Variants in ZNF226 observed in about 807,000 individuals in gnomAD.
The protein encoded by ZNF226 is Kruppel-associated box protein.
In ZNF226, 6 loss-of-function variants were observed where a neutral mutation model predicts 11.4. The observed-to-expected ratio is 0.53, with a 90% CI of 0.29 to 1.04. The LOEUF is 1.04. Ranked by LOEUF, ZNF226 falls within the 50% of genes least tolerant of loss-of-function variation. ZNF226 has a pLI of 0.08. For synonymous variants in ZNF226, 350 were observed against 322.8 expected, an observed-to-expected ratio of 1.08 and a Z score of -0.90; for missense variants, 1,058 against 956.5, an observed-to-expected ratio of 1.11 and a Z score of -1.40.
chr19:44,172,248 C>T, intron 4 of ZNF226, 34 bp downstream of exon 4: 2 of 1,593,924 alleles, frequency 1.3e-6, no homozygotes, highest in South Asian at 2.2e-5. Flanking sequence ...TATCTTTGTG[C>T]CCTTGGAGTT....
chr19:44,175,217 AG>A (rs1401642234), intron 5 of ZNF226: 1 of 1,406,790 alleles, frequency 7.1e-7, no homozygotes, highest in African/African-American at 1.5e-5. Flanking sequence ...ATATTATGGT[AG>A]GAAAGACATG....
intron 4 of ZNF226, chr19:44,172,620 T>G (rs1387677848): frequency 2.0e-6 from 1 of 502,630 alleles, no homozygotes; most frequent in Non-Finnish European, 3.5e-6. Context: ...CAATGGGAGA[T>G]TTAAGGAAAA....
chr19:44,175,081 A>G (rs1212090864), intron 5 of ZNF226: 2 of 1,605,734 alleles, frequency 1.2e-6, no homozygotes, highest in Admixed American at 3.4e-5. Flanking sequence ...TTATATATGA[A>G]GAAATGTTGG....
intron 5 of ZNF226, 140 bp from the exon 6 acceptor site, chr19:44,175,358 C>T (rs1970578957): frequency 5.6e-6 from 8 of 1,422,262 alleles, no homozygotes; most frequent in African/African-American, 1.4e-5. Flanking sequence ...AGTATGTAAA[C>T]CAGAAACTTC....
chr19:44,176,078 G>A lies in ZNF226; in HGVS notation c.816G>A (p.Gln272=). The A allele has an allele frequency of 6.2e-7, 1 of 1,614,144 alleles. No homozygotes were observed. Among genetic ancestry groups the A allele is most frequent in the Non-Finnish European group, 8.5e-7 (1 of 1,180,006 alleles). Reference sequence around the variant, plus strand: ...TCTCCAGCTTTGATCTTCATCAGCAGTTACAATCAGGAGAGAAGTCTCTTA... The same window carrying A: ...TCTCCAGCTTTGATCTTCATCAGCAATTACAATCAGGAGAGAAGTCTCTTA... ...SDLSSFDLHQ[Q]LQSGEKSLTC... The change falls in exon 6 of 6, where the codon CAG becomes CAA. Residue 272 remains glutamine, a synonymous_variant. Transcript: ENST00000337433.
At chr19:44,194,086 GT>G in the ZNF226 span, among the ~76,000 whole-genome samples, 2 of 152,282 alleles carry the variant, frequency 1.3e-5, no homozygotes, top group South Asian at 4.1e-4. Flanking sequence ...CTTTGTCCTA[GT>G]TGTCTAACCT....
chr19:44,199,044 C>T, the ZNF226 span, among the ~76,000 whole-genome samples: 1 of 152,094 alleles, frequency 6.6e-6, no homozygotes, highest in African/African-American at 2.4e-5. Flanking sequence ...CTCAGGTGAT[C>T]CGCCCGCCTT....
In ZNF226 at chr19:44,173,242, T is replaced by TA. The variant is rs1480672702; in HGVS notation, c.235+291dup. On this transcript the variant is annotated intron_variant, in intron 5 of 5. Coordinates refer to ENST00000337433, the MANE Select transcript of ZNF226 (RefSeq NM_001032373.2). ...CCACTTAATGTGGCTGACAGAGTCT[T>TA]ACACGGTGTGCTTTTCATCCCCCAC... The TA allele has an allele frequency of 4.6e-5, 22 of 479,436 alleles. 1 individual carries two copies. Among genetic ancestry groups the TA allele is most frequent in the Admixed American group, 1.2e-4 (3 of 25,974 alleles). The allele number at this position is 479,436 out of a possible 1,614,324, so 29.7% of individuals were successfully genotyped here. A position where few individuals can be genotyped will look rare whatever the true frequency, so the allele number is the denominator to read the frequency against.
At chr19:44,182,878 C>A (rs1970928405), downstream of ZNF226, among the ~76,000 whole-genome samples, 1 of 152,070 alleles carries the variant, frequency 6.6e-6, no homozygotes, top group Non-Finnish European at 1.5e-5. Context: ...GACCAGAAGC[C>A]TACTGAATCC....
At chr19:44,179,004 A>G (rs1471444881), downstream of ZNF226, among the ~76,000 whole-genome samples, 3 of 152,234 alleles carry the variant, frequency 2.0e-5, no homozygotes, top group Non-Finnish European at 4.4e-5. Flanking sequence ...ACATGGTGAA[A>G]CCCTGTCTCT....
downstream of ZNF226, among the ~76,000 whole-genome samples, chr19:44,182,124 A>G (rs1970914501): frequency 6.6e-6 from 1 of 152,214 alleles, no homozygotes; most frequent in Non-Finnish European, 1.5e-5. Flanking sequence ...TAGTTTCAAC[A>G]GTTTTCTCAG....
the ZNF226 span, among the ~76,000 whole-genome samples, chr19:44,190,093 T>C: frequency 6.6e-6 from 1 of 152,200 alleles, no homozygotes; most frequent in East Asian, 1.9e-4. Context: ...TAATAACAGA[T>C]GTATTATAGT....
rs780457061 is a variant in ZNF226, at chr19:44,176,506, G to A, written c.1244G>A (p.Gly415Glu). The A allele has an allele frequency of 2.7e-5, 43 of 1,613,984 alleles. No individual in the cohort carries two copies. The highest frequency in any genetic ancestry group is 3.6e-5 in the Non-Finnish European group (42 of 1,179,998). The change falls in exon 6 of 6, where the codon GGA becomes GAA. Residue 415 changes from glycine to glutamate, a missense_variant. Gly to Glu is a moderately conservative substitution (Grantham distance 98). Coordinates refer to ENST00000337433, the MANE Select transcript of ZNF226 (RefSeq NM_001032373.2). The stretch of plus-strand genomic sequence containing the variant: ...CAATCCCATCAAAGAGTTCATACAG[G>A]AGAGAAACCATACAAATGTGAGGAG... ...HLQSHQRVHTGEKPYKCEECG... is the reference protein window; with the variant it reads ...HLQSHQRVHTEEKPYKCEECG...
In ZNF226 at chr19:44,176,452, G is replaced by T. The variant is rs774331388; in HGVS notation, c.1190G>T (p.Gly397Val). ...GEKPFKCDAC[G>V]KSFSRNSHLQ... ...AAGCCATTCAAATGTGATGCATGTG[G>T]TAAGAGCTTCAGTCGGAATTCACAT... is the stretch of plus-strand genomic sequence containing the variant. Residue 397 changes from glycine (G) to valine (V), a missense_variant, in exon 6 of 6, where the codon GGT (glycine) becomes GTT (valine). Transcript: ENST00000337433. 11 of 1,614,130 alleles carry T rather than the reference G, an allele frequency of 6.8e-6. No individual in the cohort carries two copies. Among genetic ancestry groups the T allele is most frequent in the Non-Finnish European group, 9.3e-6 (11 of 1,180,020 alleles).
chr19:44,183,042 T>C (rs943088599), downstream of ZNF226, among the ~76,000 whole-genome samples: 1 of 152,068 alleles, frequency 6.6e-6, no homozygotes, highest in African/African-American at 2.4e-5. Context: ...GAAAGTACAC[T>C]GATACGCTGC....
rs1037742847 is a variant in ZNF226 at position 44,172,188 on chromosome 19, A to G, written c.116A>G (p.Glu39Gly). 1.1e-5 allele frequency: 17 copies of G among 1,612,222 alleles called. No homozygotes were observed. Among genetic ancestry groups the G allele is most frequent in the Non-Finnish European group, 1.4e-5 (16 of 1,178,886 alleles). The change falls in exon 4 of 6, where the codon GAG becomes GGG. Residue 39 changes from glutamate (E) to glycine (G), a missense_variant. Coordinates refer to ENST00000337433, the MANE Select transcript of ZNF226 (RefSeq NM_001032373.2). ...AAGCTGTACCGAGATGTGATGGTGG[A>G]GAACTTTAGGAACCTGCTGTCAGTG... ...QRKLYRDVMV[E>G]NFRNLLSVGH...
At chr19:44,179,433 G>A (rs1195674703), downstream of ZNF226, among the ~76,000 whole-genome samples, 1 of 152,060 alleles carries the variant, frequency 6.6e-6, no homozygotes, top group African/African-American at 2.4e-5. Context: ...GAAATCTTGT[G>A]TCATCATATA....
chr19:44,171,951 G>A, intron 3 of ZNF226, 137 bp from the exon 4 acceptor site: 1 of 1,145,896 alleles, frequency 8.7e-7, no homozygotes. Flanking sequence ...TCAGTGTATG[G>A]CATTGGCAAG....
chr19:44,189,001 G>C, the ZNF226 span, among the ~76,000 whole-genome samples: 218 of 152,224 alleles, frequency 1.4e-3, no homozygotes, highest in Non-Finnish European at 2.5e-3. Context: ...TTGCTGGGTA[G>C]ATGTCTTCAT....
Sources: allele counts gnomAD v4.1 joint callset (sites outside exome capture counted in the v4.1 genomes callset), GRCh38; gene constraint gnomAD v4.1.1; transcripts MANE v1.5; gene names NCBI Gene and HGNC (gene_info 2026-07-23, HGNC 2026-07-21).